EIPR1: variants seen among roughly 807,000 people sequenced by gnomAD.
The protein encoded by EIPR1 is EARP complex and GARP complex interacting protein 1.
Under a neutral mutation model 48.1 loss-of-function variants are expected in EIPR1, and 25 were observed. That is an observed-to-expected ratio of 0.52 (90% confidence interval 0.38 to 0.73). The LOEUF is 0.73. EIPR1 is among the 30% of genes least tolerant of loss of function. The probability of loss-of-function intolerance (pLI) is 0.00; values close to 1 mark genes in which losing one functional copy is unlikely to be tolerated. For missense variants in EIPR1, 415 were observed against 506.2 expected, an observed-to-expected ratio of 0.82 and a Z score of 1.73; for synonymous variants, 204 against 201.9, an observed-to-expected ratio of 1.01 and a Z score of -0.09.
At chr2:3,236,959 T>C (rs961777977) in intron 4 of EIPR1, among the ~76,000 whole-genome samples, 32 of 152,128 alleles carry the variant, frequency 2.1e-4, no homozygotes, top group Non-Finnish European at 5.9e-5. Context: ...TCAAAGCTGC[T>C]GACTATACTG....
chr2:3,327,072 G>C (rs1669720046), intron 3 of EIPR1, among the ~76,000 whole-genome samples: 1 of 152,246 alleles, frequency 6.6e-6, no homozygotes, highest in South Asian at 2.1e-4. Context: ...AGGGAGACAA[G>C]TGCTCTGGCA....
At chr2:3,370,800 T>C (rs1671096655) in intron 1 of EIPR1, among the ~76,000 whole-genome samples, 1 of 152,198 alleles carries the variant, frequency 6.6e-6, no homozygotes, top group Non-Finnish European at 1.5e-5. Flanking sequence ...TGGAACCAAG[T>C]TGGAAAACAC....
intron 3 of EIPR1, among the ~76,000 whole-genome samples, chr2:3,321,344 C>A (rs559017693): frequency 9.2e-5 from 14 of 152,274 alleles, no homozygotes; most frequent in African/African-American, 3.1e-4. Flanking sequence ...ACACACAAGC[C>A]GGCATGCTTG....
intron 2 of EIPR1, among the ~76,000 whole-genome samples, chr2:3,345,642 A>G (rs1670377008): frequency 6.6e-6 from 1 of 151,866 alleles, no homozygotes; most frequent in Admixed American, 6.6e-5. Context: ...AAAAAGAAAA[A>G]GTAAGAAAAA....
intron 5 of EIPR1, among the ~76,000 whole-genome samples, chr2:3,206,357 G>GC (rs1218005624): frequency 1.3e-5 from 2 of 152,212 alleles, no homozygotes; most frequent in African/African-American, 4.8e-5. Context: ...GGGACACAGA[G>GC]CCCCCAGTGG....
intron 5 of EIPR1, among the ~76,000 whole-genome samples, chr2:3,212,234 A>G (rs1474182755): frequency 6.6e-6 from 1 of 152,228 alleles, no homozygotes; most frequent in Non-Finnish European, 1.5e-5. Flanking sequence ...TAATCACCCT[A>G]CCATGAAATC....
chr2:3,341,077 CAG>C (rs1670224891), intron 2 of EIPR1, among the ~76,000 whole-genome samples: 2 of 105,724 alleles, frequency 1.9e-5, no homozygotes, highest in South Asian at 6.7e-4. Context: ...GCCTGGGTGA[CAG>C]AGTGAGATCC....
chr2:3,314,844 G>A (rs898339091), intron 3 of EIPR1, among the ~76,000 whole-genome samples: 1 of 151,822 alleles, frequency 6.6e-6, no homozygotes, highest in African/African-American at 2.4e-5. Context: ...CTCTCACCTA[G>A]GCCTGAGTTG....
intron 5 of EIPR1, among the ~76,000 whole-genome samples, chr2:3,211,277 A>C (rs1033747769): frequency 1.8e-4 from 6 of 34,128 alleles, no homozygotes; most frequent in South Asian, 1.2e-3. Context: ...AACACTAACG[A>C]AACAAGCCTC....
At chr2:3,346,514 G>C (rs1372683717) in intron 2 of EIPR1, among the ~76,000 whole-genome samples, 1 of 152,174 alleles carries the variant, frequency 6.6e-6, no homozygotes, top group African/African-American at 2.4e-5. Flanking sequence ...CTCAGCACCA[G>C]GCATCGAAAG....
intron 3 of EIPR1, among the ~76,000 whole-genome samples, chr2:3,310,454 C>G (rs746199487): frequency 7.0e-6 from 1 of 142,368 alleles, no homozygotes; most frequent in Admixed American, 6.8e-5. Flanking sequence ...GAGACTGAGA[C>G]CATCCTGGCT....
chr2:3,318,666 G>C (rs1192251331), intron 3 of EIPR1, among the ~76,000 whole-genome samples: 1 of 152,108 alleles, frequency 6.6e-6, no homozygotes, highest in African/African-American at 2.4e-5. Context: ...TGCTATTCAC[G>C]TCCTTCATAT....
intron 6 of EIPR1, among the ~76,000 whole-genome samples, chr2:3,195,428 G>T (rs1297201793): frequency 1.3e-5 from 2 of 152,216 alleles, no homozygotes; most frequent in African/African-American, 4.8e-5. Context: ...GCTCTCCAAA[G>T]TAGAGGAACT....
At chr2:3,259,527 C>T (rs762514007) in intron 3 of EIPR1, among the ~76,000 whole-genome samples, 8 of 152,138 alleles carry the variant, frequency 5.3e-5, no homozygotes, top group Non-Finnish European at 7.4e-5. Context: ...TCCACGTATC[C>T]GGTTCATGTA....
At chr2:3,327,272 C>T (rs1429232536) in intron 3 of EIPR1, among the ~76,000 whole-genome samples, 1 of 152,138 alleles carries the variant, frequency 6.6e-6, no homozygotes, top group Non-Finnish European at 1.5e-5. Context: ...CAACCGCCAC[C>T]TCCCGGGGTC....
chr2:3,278,155 C>G (rs574995912), intron 3 of EIPR1, among the ~76,000 whole-genome samples: 1 of 152,196 alleles, frequency 6.6e-6, no homozygotes, highest in Non-Finnish European at 1.5e-5. Context: ...ACTCCAGGTA[C>G]GAGGCACAGG....
chr2:3,256,951 G>A (rs768708015), intron 4 of EIPR1, among the ~76,000 whole-genome samples: 5 of 152,216 alleles, frequency 3.3e-5, no homozygotes, highest in African/African-American at 1.2e-4. Context: ...GTAAATAATT[G>A]CCATGTGAGT....
chr2:3,193,848 T>C, intron 7 of EIPR1, 151 bp downstream of exon 7: 1 of 739,572 alleles, frequency 1.4e-6, no homozygotes. Flanking sequence ...GATTTGGAAT[T>C]AGTGTTTCTT....
chr2:3,210,488 C>T (rs1317564924), intron 5 of EIPR1, among the ~76,000 whole-genome samples: 5 of 152,142 alleles, frequency 3.3e-5, no homozygotes, highest in Admixed American at 6.5e-5. Context: ...AACACCCCCA[C>T]GACAATCACA....
Sources: allele counts gnomAD v4.1 joint callset (sites outside exome capture counted in the v4.1 genomes callset), GRCh38; gene constraint gnomAD v4.1.1; transcripts MANE v1.5; gene names NCBI Gene and HGNC (gene_info 2026-07-23, HGNC 2026-07-21).